Variants in ZNF415 observed in about 807,000 individuals in gnomAD.
ZNF415 encodes zinc finger protein 415.
Under a neutral mutation model 7.3 loss-of-function variants are expected in ZNF415, and 5 were observed. That is an observed-to-expected ratio of 0.69 (90% CI 0.36 to 1.44). The LOEUF (loss-of-function observed/expected upper bound fraction) is 1.44. Among genes scored for constraint, ZNF415 ranks in the 40% most tolerant of loss-of-function variants. The pLI is 0.04. For synonymous variants in ZNF415, 207 were observed against 226.3 expected (o/e 0.91, Z 0.77); for missense variants, 628 against 664.8 (o/e 0.94, Z 0.61).
chr19:53,127,177 C>T (rs1375998006), intron 1 of ZNF415, among the ~76,000 whole-genome samples: 20 of 149,126 alleles, frequency 1.3e-4, no homozygotes, highest in Non-Finnish European at 2.5e-4. Context: ...CCACAGACGC[C>T]CCCACAACAA....
chr19:53,109,988 CA>C, intron 3 of ZNF415, 80 bp from the exon 4 acceptor site: 1 of 1,144,036 alleles, frequency 8.7e-7, no homozygotes, highest in Non-Finnish European at 1.2e-6. Context: ...CAGAATTACA[CA>C]AAAAGCAACA....
intron 1 of ZNF415, among the ~76,000 whole-genome samples, chr19:53,129,349 A>G (rs1333032012): frequency 1.3e-5 from 2 of 152,206 alleles, no homozygotes; most frequent in Non-Finnish European, 2.9e-5. Context: ...GTTCCCTGCC[A>G]GGGACTGACG....
intron 3 of ZNF415, among the ~76,000 whole-genome samples, chr19:53,114,189 T>G (rs1021418688): frequency 1.3e-5 from 2 of 152,154 alleles, no homozygotes; most frequent in African/African-American, 4.8e-5. Flanking sequence ...GGGTTTGTTT[T>G]TTTTTGAAAC....
intron 2 of ZNF415, 61 bp from the exon 3 acceptor site, chr19:53,116,494 C>A (rs1300307499): frequency 1.2e-6 from 2 of 1,601,240 alleles, no homozygotes; most frequent in Non-Finnish European, 1.7e-6. Context: ...ACCATCTTCA[C>A]ACAAAATAAG....
intron 3 of ZNF415, among the ~76,000 whole-genome samples, chr19:53,111,282 C>G (rs1228024972): frequency 6.6e-6 from 1 of 150,972 alleles, no homozygotes; most frequent in Non-Finnish European, 1.5e-5. Context: ...GACTTCCCAG[C>G]TTCCAGGTCT....
chr19:53,128,555 T>C (rs1314212161), intron 1 of ZNF415, among the ~76,000 whole-genome samples: 17 of 112,004 alleles, frequency 1.5e-4, no homozygotes, highest in African/African-American at 4.9e-4. Flanking sequence ...CATCACCTGC[T>C]GGAAGGCAAA....
At chr19:53,116,609 C>CTTTTTTTTTTTTTTTTTTT (rs1410295819) in intron 2 of ZNF415, among the ~76,000 whole-genome samples, 176 bp from the exon 3 acceptor site, 6 of 81,116 alleles carry the variant, frequency 7.4e-5, no homozygotes, top group African/African-American at 2.5e-4. Context: ...GGTTTTTTTT[C>CTTTTTTTTTTTTTTTTTTT]TCTCTTTTTT....
Position 53,109,326 on chromosome 19 carries a change from C to T in ZNF415, c.719G>A (p.Gly240Glu), listed in dbSNP as rs2085873211. 2.5e-6 allele frequency: 4 copies of T among 1,614,050 alleles called. No homozygotes were observed. The highest frequency in any genetic ancestry group is 4.5e-5 in the East Asian group (2 of 44,896). The change falls in exon 4 of 4, where the codon GGA (glycine) becomes GAA (glutamate). Residue 240 changes from glycine (G) to glutamate (E), a missense_variant. Physicochemically the swap from Gly to Glu is moderately conservative, Grantham distance 98 (BLOSUM62 -2). Transcript: ENST00000243643. ...HMTVRQVSHS[G>E]EKGYKCDLCG... is the part of the protein sequence containing the mutation. ...CAGATCACATTTATATCCTTTCTCT[C>T]CAGAATGACTTACCTGACGTACAGT...
At chr19:53,124,251 G>T in intron 1 of ZNF415, 1 of 140,706 alleles carries the variant, frequency 7.1e-6, no homozygotes, top group South Asian at 2.1e-4. Flanking sequence ...AAAAAAAAAA[G>T]AGGTTTATTT....
chr19:53,113,685 A>C (rs1241314972), intron 3 of ZNF415, among the ~76,000 whole-genome samples: 2 of 152,182 alleles, frequency 1.3e-5, no homozygotes, highest in Non-Finnish European at 2.9e-5. Context: ...ATGAGAATGA[A>C]CAATGGTGCA....
intron 3 of ZNF415, chr19:53,116,045 AAACAAGAAGTGAGTATTTCAG>A: frequency 1.6e-6 from 1 of 614,792 alleles, no homozygotes; most frequent in South Asian, 2.1e-5. Context: ...CAGGGGCAGA[AAACAAGAAGTGAGTATTTCAG>A]AAGTCTACCA....
At chr19:53,122,500 C>T in intron 2 of ZNF415, 162 bp downstream of exon 2, 1 of 1,583,066 alleles carries the variant, frequency 6.3e-7, no homozygotes, top group Non-Finnish European at 8.6e-7. Flanking sequence ...GAGACGGAAT[C>T]TCAGTAGAGA....
intron 1 of ZNF415, chr19:53,123,879 A>G: frequency 3.7e-6 from 1 of 271,242 alleles, no homozygotes; most frequent in Non-Finnish European, 6.7e-6. Context: ...GAATGCATCT[A>G]GGGAGTCAGG....
At chr19:53,116,613 CTTTT>C (rs55841712) in intron 2 of ZNF415, among the ~76,000 whole-genome samples, 180 bp from the exon 3 acceptor site, 2 of 43,490 alleles carry the variant, frequency 4.6e-5, no homozygotes, top group African/African-American at 1.5e-4. Flanking sequence ...TTTTTTCTCT[CTTTT>C]TTTTTTTTTT....
chr19:53,108,619 C>G lies in ZNF415; in HGVS notation c.1426G>C (p.Gly476Arg), dbSNP rs748208611. ...GTTAGGCTTGAATGCACACTGAAGC[C>G]TTTGCCACATTGATTACATTTGTAA... ...KPYKCNQCGKGFSVHSSLTTH... is the reference protein window; with the variant it reads ...KPYKCNQCGKRFSVHSSLTTH... The change falls in exon 4 of 4, where the codon GGC becomes CGC. Residue 476 changes from glycine (G) to arginine (R), a missense_variant. Coordinates refer to ENST00000243643, the MANE Select transcript of ZNF415 (RefSeq NM_018355.4). 2.5e-6 allele frequency: 4 copies of G among 1,613,990 alleles called. No homozygotes were observed. The highest frequency in any genetic ancestry group is 3.4e-6 in the Non-Finnish European group (4 of 1,180,036).
intron 3 of ZNF415, chr19:53,115,473 A>G: frequency 1.8e-6 from 1 of 554,198 alleles, no homozygotes; most frequent in Non-Finnish European, 3.2e-6. Flanking sequence ...GCTGTCCATC[A>G]TGATGAGCAC....
chr19:53,108,836 C>T lies in ZNF415; in HGVS notation c.1209G>A (p.Trp403Ter), dbSNP rs760746236. The T allele has an allele frequency of 6.2e-7, 1 of 1,614,064 alleles. No individual in the cohort carries two copies. The highest frequency in any genetic ancestry group is 1.1e-5 in the South Asian group (1 of 91,082). Residue 403 changes from tryptophan to a stop codon, truncating the protein, a stop_gained, in exon 4 of 4, where the codon TGG (tryptophan) becomes TGA (stop). Coordinates refer to ENST00000243643, the MANE Select transcript of ZNF415 (RefSeq NM_018355.4). LOFTEE classifies it low-confidence loss of function (END_TRUNC). ...AAGGTTTCTCTCCAGTATGAATTCT[C>T]CAATGCCTTGCAAGGCTTGAAGTCT... Reference protein sequence around the residue: ...FSQTSSLARHWRIHTGEKPYK... With the variant: ...FSQTSSLARH
chr19:53,117,437 G>A (rs1296462636), intron 2 of ZNF415, among the ~76,000 whole-genome samples: 17 of 141,632 alleles, frequency 1.2e-4, no homozygotes, highest in African/African-American at 2.3e-4. Context: ...GCGAAATTCC[G>A]TCTCAAAAAA....
chr19:53,120,060 A>G (rs1238251275), intron 2 of ZNF415, among the ~76,000 whole-genome samples: 1 of 151,858 alleles, frequency 6.6e-6, no homozygotes, highest in Non-Finnish European at 1.5e-5. Flanking sequence ...CCGATATCAA[A>G]CCAGAAAAGA....
Sources: allele counts gnomAD v4.1 joint callset (sites outside exome capture counted in the v4.1 genomes callset), GRCh38; gene constraint gnomAD v4.1.1; transcripts MANE v1.5; gene names NCBI Gene and HGNC (gene_info 2026-07-23, HGNC 2026-07-21).